Variants in RBFOX3 observed in about 807,000 individuals in gnomAD.
RBFOX3 encodes the protein RNA binding protein fox-1 homolog 3.
In RBFOX3, 17 loss-of-function variants were observed where a neutral mutation model predicts 48.7. The observed-to-expected ratio is 0.35, with a 90% CI of 0.24 to 0.52. The LOEUF (loss-of-function observed/expected upper bound fraction) is 0.52, where lower values mean the gene tolerates loss of function less well. RBFOX3 is among the 20% of genes least tolerant of loss of function. The probability of loss-of-function intolerance (pLI) is 0.94; values close to 1 mark genes in which losing one functional copy is unlikely to be tolerated. For missense variants in RBFOX3, 382 were observed against 497.5 expected, an observed-to-expected ratio of 0.77 and a Z score of 2.21; for synonymous variants, 212 against 209.5, an observed-to-expected ratio of 1.01 and a Z score of -0.10.
chr17:79,583,856 C>A (rs1005608144), intron 1 of RBFOX3, among the ~76,000 whole-genome samples: 35 of 152,082 alleles, frequency 2.3e-4, no homozygotes, highest in Non-Finnish European at 5.0e-4. Flanking sequence ...AGGTGGTGGC[C>A]ATGGGAAAGG....
At chr17:79,176,173 T>C (rs1044771658) in intron 4 of RBFOX3, among the ~76,000 whole-genome samples, 2 of 152,186 alleles carry the variant, frequency 1.3e-5, no homozygotes, top group African/African-American at 4.8e-5. Context: ...CTTCTCCTCT[T>C]CTGTGGATTC....
rs567534075 is a variant in RBFOX3 at position 79,183,170 on chromosome 17, G to A, written c.-34+52596C>T. The A allele has an allele frequency of 9.3e-3, 1,379 of 148,010 alleles. 9 individuals are homozygous for A. Among genetic ancestry groups the A allele is most frequent in the Non-Finnish European group, 0.015 (959 of 66,116 alleles). 9.2% of individuals were successfully genotyped at this position (148,010 alleles called of 1,614,324 possible). ...GCAGCGGGGGCCACCGGTGGCGGCG[G>A]CGGCGCAGAGGCGGCCAAGTGCGGG... is the stretch of plus-strand genomic sequence containing the variant. On this transcript the variant is annotated intron_variant, in intron 4 of 14. Transcript: ENST00000693108.
At position 79,363,178 on chromosome 17, in the gene RBFOX3, TCCTG is replaced by T. The variant is rs2147338449; in HGVS notation, c.-174-55358_-174-55355del. On this transcript the variant is annotated intron_variant, in intron 2 of 14. Transcript: ENST00000693108. This position sits in a 1 kb window ranked among gnomAD's most constrained non-coding sequence, Gnocchi z 4.7. ...ACATGACTCCTGTGTCTGAGGTGGCTCCTGCACTCCTGAGCGTGGCCAGGGGTTC... is the reference window on the plus strand; with the variant it reads ...ACATGACTCCTGTGTCTGAGGTGGCTCACTCCTGAGCGTGGCCAGGGGTTC... Among the ~76,000 whole-genome samples, 1 of 152,310 alleles carries T rather than the reference TCCTG, an allele frequency of 6.6e-6. No individual in the cohort carries two copies. The highest frequency in any genetic ancestry group is 2.1e-4 in the South Asian group (1 of 4,822).
intron 2 of RBFOX3, among the ~76,000 whole-genome samples, chr17:79,419,132 C>A (rs1436015161): frequency 6.6e-6 from 1 of 152,190 alleles, no homozygotes; most frequent in Non-Finnish European, 1.5e-5. Flanking sequence ...CCCACGCCCC[C>A]TCCTCACCTC....
rs148922411 is a variant in RBFOX3, at chr17:79,411,579, C to T, written c.-175+70875G>A. Among the ~76,000 whole-genome samples the T allele has an allele frequency of 3.0e-3, 455 of 152,310 alleles. 2 individuals are homozygous for T. Among genetic ancestry groups the T allele is most frequent in the Non-Finnish European group, 4.5e-3 (304 of 68,026 alleles). On this transcript the variant is annotated intron_variant, in intron 2 of 14. Coordinates refer to ENST00000693108, the MANE Select transcript of RBFOX3 (RefSeq NM_001350451.2). ...TCCCCTTCCATGCCCTCCCTCTGTGCTGTAAGCCCCTGCCTGCCAGCCCGA... is the reference window on the plus strand; with the variant it reads ...TCCCCTTCCATGCCCTCCCTCTGTGTTGTAAGCCCCTGCCTGCCAGCCCGA...
At chr17:79,250,697 C>T (rs973415348) in intron 3 of RBFOX3, among the ~76,000 whole-genome samples, 2 of 152,198 alleles carry the variant, frequency 1.3e-5, no homozygotes, top group Non-Finnish European at 2.9e-5. Flanking sequence ...GTATCCTCTG[C>T]AAGACTCCCT....
At chr17:79,309,381 A>T (rs1163797279) in intron 2 of RBFOX3, among the ~76,000 whole-genome samples, 1 of 139,398 alleles carries the variant, frequency 7.2e-6, no homozygotes, top group Non-Finnish European at 1.6e-5. Context: ...GCACTGCCCC[A>T]TCCCCTGCAT....
At chr17:79,586,860 T>G (rs1416675373) in intron 1 of RBFOX3, among the ~76,000 whole-genome samples, 2 of 152,172 alleles carry the variant, frequency 1.3e-5, no homozygotes. Flanking sequence ...TGAGAGATGG[T>G]GATGTGGTTG....
chr17:79,097,183 C>A (rs932197033), intron 11 of RBFOX3, 109 bp downstream of exon 11: 12 of 891,534 alleles, frequency 1.3e-5, no homozygotes, highest in Admixed American at 1.3e-4. Flanking sequence ...TCCCCCCCCC[C>A]AGGTCTGGAA....
rs34981785 is a variant in RBFOX3 at position 79,303,851 on chromosome 17, CTGTGTG to C, written c.-74+3867_-74+3872del. Among the ~76,000 whole-genome samples the C allele has an allele frequency of 2.3e-4, 34 of 147,872 alleles. 1 individual carries two copies. The highest frequency in any genetic ancestry group is 4.4e-4 in the South Asian group (2 of 4,560). On this transcript the variant is annotated intron_variant, in intron 3 of 14. Transcript: ENST00000693108. ...TTTGTATGCATGTGTGCATGTCTGCCTGTGTGTGTGTGTGTGTGTGTGTGTGTGCAT... is the reference window on the plus strand; with the variant it reads ...TTTGTATGCATGTGTGCATGTCTGCCTGTGTGTGTGTGTGTGTGTGTGCAT...
chr17:79,648,097 G>A, the RBFOX3 span, among the ~76,000 whole-genome samples: 1 of 152,142 alleles, frequency 6.6e-6, no homozygotes, highest in South Asian at 2.1e-4. Context: ...CTGGTCTGGG[G>A]GTGCAGTAGT....
intron 2 of RBFOX3, among the ~76,000 whole-genome samples, chr17:79,454,114 C>T (rs1449520227): frequency 1.3e-5 from 2 of 152,100 alleles, no homozygotes; most frequent in Non-Finnish European, 2.9e-5. Flanking sequence ...GAGCCCTGCC[C>T]CATCACCTCT....
At chr17:79,319,035 A>G (rs2078000296) in intron 2 of RBFOX3, among the ~76,000 whole-genome samples, 1 of 152,026 alleles carries the variant, frequency 6.6e-6, no homozygotes, top group African/African-American at 2.4e-5. Flanking sequence ...ATTAAAAAAA[A>G]AAAGAAATTT....
intron 4 of RBFOX3, among the ~76,000 whole-genome samples, chr17:79,125,661 C>A (rs1228160761): frequency 6.6e-6 from 1 of 152,244 alleles, no homozygotes; most frequent in Non-Finnish European, 1.5e-5. Context: ...TCCTGGCTCC[C>A]TCTCCTCTCA....
chr17:79,655,929 C>T, the RBFOX3 span, among the ~76,000 whole-genome samples: 7 of 152,318 alleles, frequency 4.6e-5, no homozygotes, highest in Non-Finnish European at 1.0e-4. Flanking sequence ...GTCCTGCTTA[C>T]CTCAGCCCCT....
intron 2 of RBFOX3, among the ~76,000 whole-genome samples, chr17:79,436,835 G>A (rs1357081050): frequency 1.3e-5 from 2 of 152,068 alleles, no homozygotes; most frequent in Admixed American, 6.5e-5. Context: ...ACCAGCCTCA[G>A]AGCCAGGGAG....
intron 4 of RBFOX3, among the ~76,000 whole-genome samples, chr17:79,126,051 A>T (rs2037165396): frequency 6.6e-6 from 1 of 152,150 alleles, no homozygotes; most frequent in Admixed American, 6.5e-5. Context: ...TCACAAGCTG[A>T]GTTTCACAGA....
chr17:79,188,579 ATCTC>A (rs1820997706), intron 4 of RBFOX3, among the ~76,000 whole-genome samples: 2 of 152,168 alleles, frequency 1.3e-5, no homozygotes, highest in African/African-American at 4.8e-5. Context: ...TTATAAGCAC[ATCTC>A]TCTCTTGCAA....
chr17:79,654,167 A>C, the RBFOX3 span, among the ~76,000 whole-genome samples: 1 of 152,172 alleles, frequency 6.6e-6, no homozygotes, highest in Non-Finnish European at 1.5e-5. Flanking sequence ...GGTCCAAGCC[A>C]CTCATTCATT....
Sources: allele counts gnomAD v4.1 joint callset (sites outside exome capture counted in the v4.1 genomes callset), GRCh38; gene constraint gnomAD v4.1.1; non-coding constraint Gnocchi (gnomAD v3.1); transcripts MANE v1.5; gene names NCBI Gene and HGNC (gene_info 2026-07-23, HGNC 2026-07-21).